Variants in ARHGEF28 observed in about 807,000 individuals in gnomAD.
ARHGEF28 encodes 190 kDa guanine nucleotide exchange factor.
A neutral mutation model predicts 206.6 loss-of-function variants in ARHGEF28; 152 were observed. The ratio of observed to expected loss-of-function variants is 0.74; its 90% CI spans 0.64 to 0.84. The LOEUF (loss-of-function observed/expected upper bound fraction) is 0.84, where lower values mean the gene tolerates loss of function less well. ARHGEF28 is among the 40% of genes least tolerant of loss of function. The probability of loss-of-function intolerance (pLI) is 0.00; values close to 1 mark genes in which losing one functional copy is unlikely to be tolerated. For missense variants in ARHGEF28, 2,028 were observed against 2,073.2 expected (o/e 0.98, Z 0.42); for synonymous variants, 763 against 776.4 (o/e 0.98, Z 0.29).
intron 2 of ARHGEF28, among the ~76,000 whole-genome samples, chr5:73,696,844 T>G (rs922403675): frequency 6.6e-6 from 1 of 152,238 alleles, no homozygotes; most frequent in East Asian, 1.9e-4. Flanking sequence ...CCTGGAGCAC[T>G]CTTTAATTTT....
intron 18 of ARHGEF28, among the ~76,000 whole-genome samples, chr5:73,867,230 C>G (rs559894501): frequency 1.3e-5 from 2 of 152,240 alleles, no homozygotes; most frequent in East Asian, 1.9e-4. Context: ...AATGTATATG[C>G]TACACAGCTA....
At chr5:73,676,862 G>T (rs1298321304) in intron 1 of ARHGEF28, among the ~76,000 whole-genome samples, 3 of 152,144 alleles carry the variant, frequency 2.0e-5, no homozygotes, top group African/African-American at 7.2e-5. Context: ...TGTAGAATTA[G>T]GCATGGCCTA....
At chr5:73,844,874 G>A (rs1035384922) in intron 11 of ARHGEF28, among the ~76,000 whole-genome samples, 7 of 151,056 alleles carry the variant, frequency 4.6e-5, no homozygotes, top group African/African-American at 1.5e-4. Flanking sequence ...AAAACGTAAT[G>A]TTATGGAATA....
intron 4 of ARHGEF28, among the ~76,000 whole-genome samples, chr5:73,760,317 T>A (rs1472790399): frequency 1.3e-5 from 2 of 149,562 alleles, no homozygotes; most frequent in African/African-American, 5.0e-5. Flanking sequence ...TTTTTTTTTT[T>A]AAGTTTTGAA....
chr5:73,886,048 G>A lies in ARHGEF28; in HGVS notation c.3254G>A (p.Arg1085Lys), dbSNP rs762738713. The stretch of plus-strand genomic sequence containing the variant: ...AAGCAGGCACTGATGAGTGAAGAAA[G>A]GACTCTGTTATATGATGGCCTTGTT... ...FRKQALMSEE[R>K]TLLYDGLVYW... Residue 1085 changes from arginine to lysine, a missense_variant, in exon 25 of 36, where the codon AGG becomes AAG. Arg to Lys is a conservative substitution (Grantham distance 26). Transcript: ENST00000513042. 1 of 1,613,858 alleles carries A rather than the reference G, an allele frequency of 6.2e-7. No individual in the cohort carries two copies. Among genetic ancestry groups the A allele is most frequent in the South Asian group, 1.1e-5 (1 of 91,064 alleles).
chr5:73,857,061 G>A (rs931917126), intron 14 of ARHGEF28, among the ~76,000 whole-genome samples: 1 of 152,068 alleles, frequency 6.6e-6, no homozygotes. Flanking sequence ...CTTATTTTAT[G>A]GAGTATCCAT....
At chr5:73,649,534 T>C (rs535398824) in intron 1 of ARHGEF28, among the ~76,000 whole-genome samples, 8 of 152,372 alleles carry the variant, frequency 5.3e-5, no homozygotes, top group African/African-American at 1.9e-4. Flanking sequence ...AATCACGAAA[T>C]TGGAGCTCAG....
chr5:73,790,536 G>A (rs1327223986), intron 7 of ARHGEF28, among the ~76,000 whole-genome samples: 3 of 152,100 alleles, frequency 2.0e-5, no homozygotes, highest in African/African-American at 7.2e-5. Context: ...AGTGGAGCTT[G>A]TTGAATTGAG....
chr5:73,668,944 G>A (rs1327562604), intron 1 of ARHGEF28, among the ~76,000 whole-genome samples: 1 of 151,972 alleles, frequency 6.6e-6, no homozygotes, highest in African/African-American at 2.4e-5. Flanking sequence ...TGCTGCCTTT[G>A]GAAGGAGATT....
chr5:73,827,868 A>G (rs1477265161), intron 9 of ARHGEF28: 3 of 152,228 alleles, frequency 2.0e-5, no homozygotes, highest in South Asian at 2.1e-4. Context: ...AATTATTTCT[A>G]TATGCTCATT....
At position 73,931,300 on chromosome 5, in the gene ARHGEF28, G is replaced by GA. The variant is rs538217838; in HGVS notation, c.4949-9542dup. ...AATTGTCTTTTTTGTCCCCTTATCT[G>GA]AATTTTATCACATGTTTCAGTGAGG... On this transcript the variant is annotated intron_variant, in intron 35 of 35. Coordinates refer to ENST00000513042, the MANE Select transcript of ARHGEF28 (RefSeq NM_001177693.2). Among the ~76,000 whole-genome samples, 22 of 152,100 alleles carry GA rather than the reference G, an allele frequency of 1.4e-4. No individual in the cohort carries two copies. In the South Asian group the frequency reaches 3.7e-3, roughly 26 times the overall value.
intron 30 of ARHGEF28, chr5:73,899,196 T>C (rs1762126196): frequency 2.0e-5 from 3 of 152,214 alleles, no homozygotes; most frequent in Admixed American, 2.0e-4. Context: ...AGGGGAGTTG[T>C]ACTGCCCTGG....
In ARHGEF28 at chr5:73,731,011, T is replaced by TAAAAAA. The variant is rs10699304; in HGVS notation, c.34-18819_34-18814dup. 3.6e-3 allele frequency among the ~76,000 whole-genome samples: 517 copies of TAAAAAA among 142,380 alleles called. 1 individual carries two copies. The highest frequency in any genetic ancestry group is 0.012 in the African/African-American group (475 of 39,100). 93.4% of individuals were successfully genotyped at this position (142,380 alleles called of 152,430 possible). On this transcript the variant is annotated intron_variant, in intron 2 of 35. Transcript: ENST00000513042. ...TTTTTCTTCTTCTCTGCCTTTAAGC[T>TAAAAAA]AAAAAAAAAAAACCCTCTAATCTCT...
At chr5:73,629,247 C>G (rs1192115095) in intron 1 of ARHGEF28, among the ~76,000 whole-genome samples, 2 of 151,970 alleles carry the variant, frequency 1.3e-5, no homozygotes, top group African/African-American at 2.4e-5. Context: ...CACATAACCC[C>G]AACACTTTGA....
At chr5:73,646,252 G>A (rs532142446) in intron 1 of ARHGEF28, among the ~76,000 whole-genome samples, 1 of 152,312 alleles carries the variant, frequency 6.6e-6, no homozygotes, top group East Asian at 1.9e-4. Flanking sequence ...CGCAGACCCT[G>A]ATTATATAGT....
At chr5:73,787,996 C>G (rs1754259226) in intron 7 of ARHGEF28, among the ~76,000 whole-genome samples, 1 of 152,116 alleles carries the variant, frequency 6.6e-6, no homozygotes, top group Non-Finnish European at 1.5e-5. Context: ...CTTTAGAGAT[C>G]ATCTGGTTAA....
At chr5:73,741,601 A>G (rs895613405) in intron 2 of ARHGEF28, among the ~76,000 whole-genome samples, 1 of 150,648 alleles carries the variant, frequency 6.6e-6, no homozygotes, top group African/African-American at 2.5e-5. Flanking sequence ...TTGTATTTTT[A>G]GTAGAGATGG....
intron 1 of ARHGEF28, among the ~76,000 whole-genome samples, chr5:73,637,493 C>G (rs1743799698): frequency 6.6e-6 from 1 of 152,222 alleles, no homozygotes; most frequent in Non-Finnish European, 1.5e-5. Context: ...AGCATGACAT[C>G]CTTCCACTTT....
At chr5:73,694,539 C>G (rs1359307297) in intron 2 of ARHGEF28, among the ~76,000 whole-genome samples, 1 of 152,174 alleles carries the variant, frequency 6.6e-6, no homozygotes, top group East Asian at 1.9e-4. Context: ...AGAGTTTTCT[C>G]TGGGAGAAGC....
Sources: allele counts gnomAD v4.1 joint callset (sites outside exome capture counted in the v4.1 genomes callset), GRCh38; gene constraint gnomAD v4.1.1; transcripts MANE v1.5; gene names NCBI Gene and HGNC (gene_info 2026-07-23, HGNC 2026-07-21).